CREBBP: variants seen among roughly 807,000 people sequenced by gnomAD.
CREBBP encodes the protein CREB-binding protein.
CREBBP carries 19 observed loss-of-function variants against 265.0 expected under a neutral mutation model. The ratio of observed to expected loss-of-function variants is 0.07; its 90% confidence interval spans 0.05 to 0.11. The LOEUF is 0.11. Among genes scored for constraint, CREBBP ranks in the 10% least tolerant of loss-of-function variants. The pLI, the probability that CREBBP is intolerant of heterozygous loss-of-function variation, is 1.00. For missense variants in CREBBP, 2,525 were observed against 3,219.0 expected (o/e 0.78, Z 5.22); for synonymous variants, 1,457 against 1,223.7 (o/e 1.19, Z -3.98).
At chr16:3,775,819 C>A (rs2053124314) in intron 11 of CREBBP, among the ~76,000 whole-genome samples, 3 of 152,186 alleles carry the variant, frequency 2.0e-5, no homozygotes, top group African/African-American at 7.2e-5. Flanking sequence ...ATACCCCACA[C>A]CAGCAGCATC....
At chr16:3,772,459 A>T (rs1403211104) in intron 13 of CREBBP, among the ~76,000 whole-genome samples, 1 of 152,024 alleles carries the variant, frequency 6.6e-6, no homozygotes, top group Non-Finnish European at 1.5e-5. Context: ...AATGATTCTG[A>T]ATCACTGTTC....
chr16:3,879,764 G>A (rs1187927879), intron 1 of CREBBP, 68 bp downstream of exon 1: 17 of 1,488,836 alleles, frequency 1.1e-5, no homozygotes, highest in African/African-American at 4.2e-5. Context: ...CACGACCCCC[G>A]GACGCTCTCT....
intron 2 of CREBBP, among the ~76,000 whole-genome samples, chr16:3,845,200 C>G (rs1421647769): frequency 6.6e-6 from 1 of 152,216 alleles, no homozygotes; most frequent in African/African-American, 2.4e-5. Context: ...CAGATTCTAA[C>G]TCAATTGCTC....
intron 16 of CREBBP, among the ~76,000 whole-genome samples, chr16:3,759,961 G>T (rs946975662): frequency 6.6e-6 from 1 of 152,192 alleles, no homozygotes. Flanking sequence ...CCAGTCAGCA[G>T]TCAGCGTGTC....
chr16:3,798,574 G>T (rs1342604149), intron 3 of CREBBP, among the ~76,000 whole-genome samples: 1 of 152,208 alleles, frequency 6.6e-6, no homozygotes, highest in East Asian at 1.9e-4. Flanking sequence ...CACATGAAAA[G>T]ATGTTGAACC....
intron 1 of CREBBP, among the ~76,000 whole-genome samples, chr16:3,860,205 G>A (rs761219611): frequency 6.6e-6 from 1 of 152,156 alleles, no homozygotes; most frequent in Non-Finnish European, 1.5e-5. Flanking sequence ...GAATAAAGGA[G>A]TATAGGAGAA....
chr16:3,851,943 C>G (rs186105549), intron 1 of CREBBP, among the ~76,000 whole-genome samples: 247 of 133,000 alleles, frequency 1.9e-3, no homozygotes, highest in African/African-American at 6.3e-3. Flanking sequence ...GAGGCTTAGG[C>G]AGGAGAATGG....
At chr16:3,823,627 G>C (rs2141387645) in intron 2 of CREBBP, among the ~76,000 whole-genome samples, 1 of 152,088 alleles carries the variant, frequency 6.6e-6, no homozygotes, top group East Asian at 1.9e-4. Context: ...CCCACGTTTG[G>C]CTCTTGGTAC....
intron 3 of CREBBP, among the ~76,000 whole-genome samples, chr16:3,794,473 C>T (rs543703965): frequency 1.3e-5 from 2 of 151,266 alleles, no homozygotes; most frequent in African/African-American, 2.4e-5. Context: ...AAGGACAATG[C>T]GTGCAGCTTG....
At chr16:3,757,206 G>GA in intron 19 of CREBBP, 82 bp downstream of exon 19, 7 of 1,229,566 alleles carry the variant, frequency 5.7e-6, no homozygotes, top group Middle Eastern at 3.7e-4. Context: ...GGAACTTCAG[G>GA]AAAGAAATAA....
intron 2 of CREBBP, among the ~76,000 whole-genome samples, chr16:3,839,910 A>T (rs1176374686): frequency 6.6e-6 from 1 of 152,198 alleles, no homozygotes; most frequent in East Asian, 1.9e-4. Flanking sequence ...ATGATTAATT[A>T]TCATGGGAAG....
chr16:3,879,572 G>C (rs2055479110), intron 1 of CREBBP, among the ~76,000 whole-genome samples: 1 of 152,240 alleles, frequency 6.6e-6, no homozygotes, highest in Non-Finnish European at 1.5e-5. Context: ...CCCTCCTGGA[G>C]TGCCACTAGG....
chr16:3,758,815 A>T, intron 17 of CREBBP, 39 bp downstream of exon 17: 1 of 1,469,760 alleles, frequency 6.8e-7, no homozygotes, highest in Non-Finnish European at 9.5e-7. Context: ...CAGAAGTCAC[A>T]CCAGCAAAGT....
chr16:3,858,642 A>G (rs2055011343), intron 1 of CREBBP, among the ~76,000 whole-genome samples: 1 of 152,268 alleles, frequency 6.6e-6, no homozygotes, highest in Non-Finnish European at 1.5e-5. Context: ...ACACAGTATC[A>G]ACAAGCTGCT....
At chr16:3,738,205 G>T (rs926770962) in intron 26 of CREBBP, among the ~76,000 whole-genome samples, 1 of 151,548 alleles carries the variant, frequency 6.6e-6, no homozygotes, top group Non-Finnish European at 1.5e-5. Flanking sequence ...ACAATGTTCT[G>T]AAACTGACTT....
intron 6 of CREBBP, among the ~76,000 whole-genome samples, chr16:3,781,741 G>A (rs1012680481): frequency 6.6e-6 from 1 of 152,040 alleles, no homozygotes; most frequent in African/African-American, 2.4e-5. Context: ...AAATATAGAG[G>A]TCAATTTGTC....
chr16:3,877,037 C>T (rs565428872), intron 1 of CREBBP, among the ~76,000 whole-genome samples: 1 of 152,302 alleles, frequency 6.6e-6, no homozygotes, highest in South Asian at 2.1e-4. Flanking sequence ...CCAGTCTCTA[C>T]AGACATGCAC....
At chr16:3,803,261 G>A (rs1267218196) in intron 3 of CREBBP, among the ~76,000 whole-genome samples, 1 of 25,510 alleles carries the variant, frequency 3.9e-5, no homozygotes, top group South Asian at 3.1e-3. Flanking sequence ...GGCTGACGGC[G>A]GGGAGGGGGG....
intron 19 of CREBBP, among the ~76,000 whole-genome samples, chr16:3,752,628 C>T (rs2151375048): frequency 6.6e-6 from 1 of 152,082 alleles, no homozygotes; most frequent in South Asian, 2.1e-4. Context: ...ATAAGAAATA[C>T]AATATATGTA....
Sources: allele counts gnomAD v4.1 joint callset (sites outside exome capture counted in the v4.1 genomes callset), GRCh38; gene constraint gnomAD v4.1.1; transcripts MANE v1.5; gene names NCBI Gene and HGNC (gene_info 2026-07-23, HGNC 2026-07-21).